Variants in DMD observed in about 807,000 individuals in gnomAD.
DMD encodes mutant dystrophin.
A neutral mutation model predicts 330.1 loss-of-function variants in DMD; 63 were observed. That is an observed-to-expected ratio of 0.19 (90% CI 0.16 to 0.24). The LOEUF (loss-of-function observed/expected upper bound fraction) is 0.24, where lower values mean the gene tolerates loss of function less well. Among genes scored for constraint, DMD ranks in the 10% least tolerant of loss-of-function variants. DMD has a pLI of 1.00. For synonymous variants in DMD, 1,223 were observed against 959.8 expected (o/e 1.27, Z -5.07); for missense variants, 3,344 against 2,684.1 (o/e 1.25, Z -5.43).
intron 15 of DMD, among the ~76,000 whole-genome samples, chrX:32,569,596 T>C (rs2107302): frequency 0.088 from 9,725 of 111,142 alleles, 401 homozygotes; most frequent in Middle Eastern, 0.14. Flanking sequence ...GGGGAACACA[T>C]TTTGAGAAGC....
intron 29 of DMD, 50 bp from the exon 30 acceptor site, chrX:32,411,963 C>T (rs760736499): frequency 8.4e-7 from 1 of 1,194,993 alleles, no homozygotes; most frequent in Admixed American, 2.2e-5. Context: ...CTCTTGATAG[C>T]TTTTCTGTAA....
chrX:31,670,483 CTGTAATTAAG>C (rs1341940120), intron 53 of DMD, among the ~76,000 whole-genome samples: 1 of 111,793 alleles, frequency 8.9e-6, no homozygotes, highest in Non-Finnish European at 1.9e-5. Flanking sequence ...CCTCGGGCTT[CTGTAATTAAG>C]TGTCACAATT....
At chrX:32,744,545 C>T (rs1161436887) in intron 7 of DMD, among the ~76,000 whole-genome samples, 2 of 111,523 alleles carry the variant, frequency 1.8e-5, no homozygotes, top group Non-Finnish European at 3.8e-5. Flanking sequence ...ACCAAAAGCA[C>T]ATTAAATTAG....
chrX:32,247,037 G>A (rs2097242007), intron 43 of DMD, among the ~76,000 whole-genome samples: 1 of 111,570 alleles, frequency 9.0e-6, no homozygotes, highest in African/African-American at 3.3e-5. Context: ...TAGCCATGTA[G>A]GTAATTTAAA....
chrX:31,289,290 CAA>C lies in DMD; in HGVS notation c.9225-28276_9225-28275del, dbSNP rs199636742. Among the ~76,000 whole-genome samples the C allele has an allele frequency of 9.3e-4, 71 of 75,948 alleles. 1 individual carries two copies. Among genetic ancestry groups the C allele is most frequent in the Non-Finnish European group, 1.2e-3 (46 of 39,784 alleles). 66.0% of individuals were successfully genotyped at this position (75,948 alleles called of 115,157 possible). On this transcript the variant is annotated intron_variant, in intron 62 of 78. Coordinates refer to ENST00000357033, the MANE Select transcript of DMD (RefSeq NM_004006.3). ...ATAAAAAATAAAATAAAATCCATCT[CAA>C]AAAAAAAAAAATCAAAATTTAACAC... is the stretch of plus-strand genomic sequence containing the variant.
At chrX:31,363,051 C>G (rs758416301) in intron 60 of DMD, among the ~76,000 whole-genome samples, 1 of 112,559 alleles carries the variant, frequency 8.9e-6, no homozygotes, top group African/African-American at 3.2e-5. Context: ...TAAACTCATA[C>G]TTTTGACTTA....
intron 2 of DMD, among the ~76,000 whole-genome samples, chrX:33,008,296 A>G (rs1415656211): frequency 9.0e-6 from 1 of 111,576 alleles, no homozygotes; most frequent in Non-Finnish European, 1.9e-5. Context: ...ATTACAAGAA[A>G]GGTTTCTACA....
chrX:31,454,945 C>CT (rs2066046686), intron 59 of DMD, among the ~76,000 whole-genome samples: 1 of 93,238 alleles, frequency 1.1e-5, no homozygotes, highest in African/African-American at 4.3e-5. Flanking sequence ...TTAGTTTTTT[C>CT]TTTTTCTTTT....
intron 60 of DMD, among the ~76,000 whole-genome samples, chrX:31,408,327 C>T (rs1305424771): frequency 8.9e-6 from 1 of 112,369 alleles, no homozygotes; most frequent in Non-Finnish European, 1.9e-5. Flanking sequence ...TTGTAGGGAT[C>T]TGTTTTCTCT....
At chrX:32,018,761 A>G (rs184476934) in intron 44 of DMD, among the ~76,000 whole-genome samples, 1 of 111,859 alleles carries the variant, frequency 8.9e-6, no homozygotes, top group South Asian at 3.7e-4. Flanking sequence ...AGCAGCTATT[A>G]TCTTGGACCT....
At chrX:32,456,578 T>TTGTGTGTGTGTGTGTG (rs60876331) in intron 25 of DMD, among the ~76,000 whole-genome samples, 2 of 89,499 alleles carry the variant, frequency 2.2e-5, no homozygotes, top group African/African-American at 8.1e-5. Flanking sequence ...CATACATACT[T>TTGTGTGTGTGTGTGTG]TGTGTGTGTG....
chrX:31,179,323 G>C (rs747622721), intron 69 of DMD, among the ~76,000 whole-genome samples: 1 of 112,694 alleles, frequency 8.9e-6, no homozygotes, highest in Non-Finnish European at 1.9e-5. Flanking sequence ...ATGGAAGAGA[G>C]AGATGCTCTA....
At chrX:31,411,645 T>C (rs868098485) in intron 60 of DMD, among the ~76,000 whole-genome samples, 1 of 111,036 alleles carries the variant, frequency 9.0e-6, no homozygotes, top group African/African-American at 3.3e-5. Flanking sequence ...CTCTTTTTGT[T>C]TGTTTTTTGA....
chrX:31,202,443 A>G (rs2043583532), intron 67 of DMD, among the ~76,000 whole-genome samples: 1 of 111,995 alleles, frequency 8.9e-6, no homozygotes, highest in Non-Finnish European at 1.9e-5. Context: ...TACATTTACA[A>G]CTAATTTGCC....
At chrX:31,520,755 C>T (rs2072670467) in intron 55 of DMD, among the ~76,000 whole-genome samples, 1 of 110,760 alleles carries the variant, frequency 9.0e-6, no homozygotes, top group African/African-American at 3.3e-5. Flanking sequence ...TCTCGGCTCA[C>T]TGCAAGCTCC....
At chrX:32,517,094 GT>G (rs2045933121) in intron 18 of DMD, 1 of 111,279 alleles carries the variant, frequency 9.0e-6, no homozygotes, top group Non-Finnish European at 1.9e-5. Context: ...TGTAACTGAG[GT>G]AATGTCGTAT....
rs2032464183 is a variant in DMD at position 31,121,312 on chromosome X, TTTGGTGTGGTGGTAGAGGAAGTC to T, written c.*584_*606del. On this transcript the variant is annotated 3_prime_UTR_variant, in exon 79 of 79. Coordinates refer to ENST00000357033, the MANE Select transcript of DMD (RefSeq NM_004006.3). ...TCAAATGAGCAGTGTGTAGTAGTCATTTGGTGTGGTGGTAGAGGAAGTCTTATCTTTAATATGCAAAAAAAGAA... is the reference window on the plus strand; with the variant it reads ...TCAAATGAGCAGTGTGTAGTAGTCATTTATCTTTAATATGCAAAAAAAGAA... 8.4e-6 allele frequency: 1 copy of T among 119,010 alleles called. No homozygotes were observed. The highest frequency in any genetic ancestry group is 1.7e-5 in the Non-Finnish European group (1 of 58,123). The allele number at this position is 119,010 out of a possible 1,213,427, so 9.8% of individuals were successfully genotyped here.
chrX:31,782,300 T>C (rs887921302), intron 50 of DMD, among the ~76,000 whole-genome samples: 1 of 111,331 alleles, frequency 9.0e-6, no homozygotes, highest in African/African-American at 3.3e-5. Context: ...TTTCGGCTAA[T>C]GAGGTATCAG....
In DMD at chrX:32,373,147, T is replaced by TTA. The variant is rs2097886395; in HGVS notation, c.4845+7362_4845+7363insTA. On this transcript the variant is annotated intron_variant, in intron 34 of 78. Coordinates refer to ENST00000357033, the MANE Select transcript of DMD (RefSeq NM_004006.3). ...AAATTGTGTCACGCACCACCCAGTA[T>TTA]CTTTTGGAAGGGCTATGCATTCTAG... Among the ~76,000 whole-genome samples, 92 of 110,259 alleles carry TTA rather than the reference T, an allele frequency of 8.3e-4. 1 individual carries two copies. The highest frequency in any genetic ancestry group is 3.7e-3 in the South Asian group (9 of 2,459).
Sources: allele counts gnomAD v4.1 joint callset (sites outside exome capture counted in the v4.1 genomes callset), GRCh38; gene constraint gnomAD v4.1.1; transcripts MANE v1.5; gene names NCBI Gene and HGNC (gene_info 2026-07-23, HGNC 2026-07-21).